SLC29A2: variants seen among roughly 807,000 people sequenced by gnomAD.
SLC29A2 encodes the protein solute carrier family 29 member 2.
Under a neutral mutation model 48.8 loss-of-function variants are expected in SLC29A2, and 37 were observed. The ratio of observed to expected loss-of-function variants is 0.76; its 90% CI spans 0.58 to 1.00. The LOEUF (loss-of-function observed/expected upper bound fraction) is 1.00. SLC29A2 is among the 50% of genes least tolerant of loss of function. The probability of loss-of-function intolerance (pLI) is 0.00; values close to 1 mark genes in which losing one functional copy is unlikely to be tolerated. For missense variants in SLC29A2, 533 were observed against 578.6 expected (o/e 0.92, Z 0.81); for synonymous variants, 233 against 261.7 (o/e 0.89, Z 1.06).
chr11:66,369,621 G>C (rs916425710), intron 2 of SLC29A2, 89 bp from the exon 3 acceptor site: 1 of 1,457,846 alleles, frequency 6.9e-7, no homozygotes, highest in African/African-American at 1.4e-5. Context: ...TCTAATGTCT[G>C]TGGGGACTTG....
At chr11:66,370,897 G>A (rs1480332469) in intron 2 of SLC29A2, among the ~76,000 whole-genome samples, 2 of 150,852 alleles carry the variant, frequency 1.3e-5, no homozygotes, top group Non-Finnish European at 2.9e-5. Context: ...GAATGAATGA[G>A]TGAATGAATG....
In SLC29A2 at chr11:66,367,528, C is replaced by A. The variant is rs112679001; in HGVS notation, c.669G>T (p.Leu223=). The A allele has an allele frequency of 6.2e-7, 1 of 1,614,120 alleles. No homozygotes were observed. The highest frequency in any genetic ancestry group is 1.3e-5 in the African/African-American group (1 of 75,018). The part of the protein sequence containing the change: ...LPHLKFARYY[L]ANKSSQAQAQ... ...CTTGGGCCTGGGATGATTTATTGGC[C>A]AGGTAGTAGCGGGCAAACTTCTGCA... The change falls in exon 7 of 12, where the codon CTG becomes CTT. Residue 223 remains leucine, a synonymous_variant. Transcript: ENST00000357440.
rs532108020 is a variant in SLC29A2, at chr11:66,362,642, C to T, written c.*794G>A. On this transcript the variant is annotated 3_prime_UTR_variant, in exon 12 of 12. Transcript: ENST00000357440. Reference sequence around the variant, plus strand: ...GAGGAAAAGAGAAACAGGTGTTGGGCAGGAAGAACAGCACCAACAGGGAGG... The same window carrying T: ...GAGGAAAAGAGAAACAGGTGTTGGGTAGGAAGAACAGCACCAACAGGGAGG... 2.6e-5 allele frequency: 4 copies of T among 152,228 alleles called. No individual in the cohort carries two copies. The highest frequency in any genetic ancestry group is 4.4e-5 in the Non-Finnish European group (3 of 68,072). 9.4% of individuals were successfully genotyped at this position (152,228 alleles called of 1,614,324 possible). A position where few individuals can be genotyped will look rare whatever the true frequency, so the allele number is the denominator to read the frequency against.
chr11:66,367,779 G>T lies in SLC29A2; in HGVS notation c.641C>A (p.Pro214His). 1.9e-6 allele frequency: 3 copies of T among 1,613,986 alleles called. No individual in the cohort carries two copies. Among genetic ancestry groups the T allele is most frequent in the South Asian group, 1.1e-5 (1 of 91,084 alleles). Residue 214 changes from proline (P) to histidine (H), a missense_variant, in exon 6 of 12, where the codon CCT becomes CAT. Pro to His is a moderately conservative substitution (Grantham distance 77, BLOSUM62 -2). Transcript: ENST00000357440. The stretch of plus-strand genomic sequence containing the variant: ...GCCCAACAGCAGGCTCACCAGGTGA[G>T]GCAGGCTCAGGTAACACACGATGGA... ...LMSIVCYLSL[P>H]HLKFARYYLA...
chr11:66,371,895 C>A (rs1315314622), upstream of SLC29A2: 4 of 470,432 alleles, frequency 8.5e-6, no homozygotes, highest in East Asian at 1.6e-4. Context: ...GCCTGCGGAA[C>A]CCGCCCGCTC....
At chr11:66,370,512 T>C (rs1855973657) in intron 2 of SLC29A2, among the ~76,000 whole-genome samples, 1 of 152,218 alleles carries the variant, frequency 6.6e-6, no homozygotes, top group Non-Finnish European at 1.5e-5. Context: ...GCCTCCCTGC[T>C]GTTTCCTCCT....
At position 66,362,908 on chromosome 11, in the gene SLC29A2, A is replaced by ATCTC; in HGVS notation, c.*527_*528insGAGA. ...CAGCTGGGCTCTGCGGAGTGGGTAC[A>ATCTC]GTAAGTGTTGGCAATGAAAACACTG... is the stretch of plus-strand genomic sequence containing the variant. On this transcript the variant is annotated 3_prime_UTR_variant, in exon 12 of 12. Coordinates refer to ENST00000357440, the MANE Select transcript of SLC29A2 (RefSeq NM_001532.3). 4.9e-6 allele frequency: 1 copy of ATCTC among 202,602 alleles called. No individual in the cohort carries two copies. The highest frequency in any genetic ancestry group is 1.2e-4 in the East Asian group (1 of 8,092). The allele number at this position is 202,602 out of a possible 1,614,324, so 12.6% of individuals were successfully genotyped here.
At chr11:66,365,812 C>G (rs1855652695) in intron 10 of SLC29A2, 124 bp downstream of exon 10, 2 of 915,888 alleles carry the variant, frequency 2.2e-6, no homozygotes, top group Admixed American at 3.7e-5. Flanking sequence ...CTCCCTGCTG[C>G]TTGGCCAGTG....
chr11:66,366,249 G>T lies in SLC29A2; in HGVS notation c.868-18C>A. On this transcript the variant is annotated intron_variant, in intron 8 of 11. Transcript: ENST00000357440. The stretch of plus-strand genomic sequence containing the variant: ...AGCCAGATCTGGGAGCCAGAGGCAG[G>T]GGTGTGAGCAGGCAGGGCAGTCCCA... 6.2e-7 allele frequency: 1 copy of T among 1,611,064 alleles called. No individual in the cohort carries two copies. Among genetic ancestry groups the T allele is most frequent in the Non-Finnish European group, 8.5e-7 (1 of 1,177,314 alleles).
chr11:66,367,259 C>G (rs904111605), intron 7 of SLC29A2, among the ~76,000 whole-genome samples: 1 of 152,194 alleles, frequency 6.6e-6, no homozygotes, highest in Non-Finnish European at 1.5e-5. Flanking sequence ...CCTCTGTCGC[C>G]TCCCCATTTT....
At chr11:66,369,318 T>A in intron 3 of SLC29A2, 51 bp downstream of exon 3, 1 of 1,611,274 alleles carries the variant, frequency 6.2e-7, no homozygotes, top group Non-Finnish European at 8.5e-7. Context: ...GGGGAGGGCC[T>A]CAATGAAGCT....
At chr11:66,367,601 G>A in intron 6 of SLC29A2, 53 bp from the exon 7 acceptor site, 1 of 1,587,620 alleles carries the variant, frequency 6.3e-7, no homozygotes, top group Non-Finnish European at 8.7e-7. Context: ...GAGGTGTCTG[G>A]ATCCCTCCCC....
chr11:66,364,991 G>T (rs1414439564), intron 10 of SLC29A2, among the ~76,000 whole-genome samples: 2 of 152,046 alleles, frequency 1.3e-5, no homozygotes, highest in African/African-American at 4.8e-5. Context: ...CTGTCTCCCA[G>T]GCTGGAGAGC....
rs1031892655 is a variant in SLC29A2, at chr11:66,371,178, T to A, written c.111+66A>T. 35 of 1,455,712 alleles carry A rather than the reference T, an allele frequency of 2.4e-5. 1 individual carries two copies. In the Middle Eastern group the frequency reaches 2.5e-3, roughly 104 times the overall value. The allele number at this position is 1,455,712 out of a possible 1,614,324, so 90.2% of individuals were successfully genotyped here. ...GTGAGGAAGCGCCCGCTAAGCTTCATCCAAAGGGCTGGAGGGAGGGGTGCT... is the reference window on the plus strand; with the variant it reads ...GTGAGGAAGCGCCCGCTAAGCTTCAACCAAAGGGCTGGAGGGAGGGGTGCT... On this transcript the variant is annotated intron_variant, in intron 2 of 11. Transcript: ENST00000357440.
chr11:66,364,104 CAGCT>C, intron 11 of SLC29A2, 117 bp downstream of exon 11: 1 of 845,788 alleles, frequency 1.2e-6, no homozygotes, highest in Non-Finnish European at 1.9e-6. Context: ...GGCCTGCAGA[CAGCT>C]AGGGTTGGGC....
chr11:66,364,439 G>T lies in SLC29A2; in HGVS notation c.1060-15C>A, dbSNP rs1855551274. On this transcript the variant is annotated splice_polypyrimidine_tract_variant and intron_variant, in intron 10 of 11. Transcript: ENST00000357440. The stretch of plus-strand genomic sequence containing the variant: ...TCCTCGTCTGGCTGTGGTAGAAGCT[G>T]AAGTCAGCATGGTCCCTGGAGCCAG... The T allele has an allele frequency of 6.2e-7, 1 of 1,601,226 alleles. No homozygotes were observed. The highest frequency in any genetic ancestry group is 8.5e-7 in the Non-Finnish European group (1 of 1,173,772).
intron 5 of SLC29A2, 86 bp from the exon 6 acceptor site, chr11:66,367,955 G>A: frequency 9.6e-7 from 1 of 1,044,030 alleles, no homozygotes; most frequent in South Asian, 1.3e-5. Flanking sequence ...ACTTCCCATT[G>A]TGTACTTCTC....
chr11:66,363,406 G>A lies in SLC29A2; in HGVS notation c.*30C>T. On this transcript the variant is annotated 3_prime_UTR_variant, in exon 12 of 12. Transcript: ENST00000357440. ...CAGCTCCGGAAGGAGACGTCGAGAA[G>A]AGGCTGCCAAAGAGCCTGGAGGGGC... 1 of 1,529,660 alleles carries A rather than the reference G, an allele frequency of 6.5e-7. No individual in the cohort carries two copies. Among genetic ancestry groups the A allele is most frequent in the Non-Finnish European group, 9.1e-7 (1 of 1,103,752 alleles). 94.8% of individuals were successfully genotyped at this position (1,529,660 alleles called of 1,614,324 possible). A position where few individuals can be genotyped will look rare whatever the true frequency, so the allele number is the denominator to read the frequency against.
At chr11:66,364,871 C>T (rs1487572012) in intron 10 of SLC29A2, 1 of 157,378 alleles carries the variant, frequency 6.4e-6, no homozygotes, top group Non-Finnish European at 1.4e-5. Flanking sequence ...CTGTGTTGCC[C>T]AGGCTGGTTT....
Sources: allele counts gnomAD v4.1 joint callset (sites outside exome capture counted in the v4.1 genomes callset), GRCh38; gene constraint gnomAD v4.1.1; transcripts MANE v1.5; gene names NCBI Gene and HGNC (gene_info 2026-07-23, HGNC 2026-07-21).